The following WNT2B variants were observed in gnomAD, a reference collection of about 807,000 sequenced individuals.
WNT2B encodes Wnt family member 2B.
A neutral mutation model predicts 40.5 loss-of-function variants in WNT2B; 19 were observed. The ratio of observed to expected loss-of-function variants is 0.47; its 90% CI spans 0.33 to 0.69. The LOEUF (loss-of-function observed/expected upper bound fraction) is 0.69. Ranked by LOEUF, WNT2B falls within the 30% of genes least tolerant of loss-of-function variation. The pLI, the probability that WNT2B is intolerant of heterozygous loss-of-function variation, is 0.02. For synonymous variants in WNT2B, 220 were observed against 211.9 expected, an observed-to-expected ratio of 1.04 and a Z score of -0.33; for missense variants, 467 against 556.4, an observed-to-expected ratio of 0.84 and a Z score of 1.62.
At chr1:112,485,833 T>C (rs1042350704) in intron 1 of WNT2B, among the ~76,000 whole-genome samples, 3 of 152,222 alleles carry the variant, frequency 2.0e-5, no homozygotes, top group Non-Finnish European at 4.4e-5. Context: ...AAGATTTCTC[T>C]TAATATACCA....
chr1:112,504,245 C>A (rs1337785881), upstream of WNT2B, among the ~76,000 whole-genome samples: 1 of 152,056 alleles, frequency 6.6e-6, no homozygotes, highest in Non-Finnish European at 1.5e-5. Flanking sequence ...CTCCAGACAC[C>A]CCCATTCCCT....
At chr1:112,507,128 C>T (rs1443143998), upstream of WNT2B, among the ~76,000 whole-genome samples, 5 of 152,170 alleles carry the variant, frequency 3.3e-5, no homozygotes, top group Non-Finnish European at 5.9e-5. Context: ...TTCCTTGCCT[C>T]CTTCAAATCT....
chr1:112,509,014 C>T lies in WNT2B; in HGVS notation c.-249C>T, dbSNP rs906040247. The T allele has an allele frequency of 2.8e-5, 37 of 1,344,020 alleles. No individual in the cohort carries two copies. The African/African-American group carries it at 3.1e-4, about 11-fold the overall frequency. The allele number at this position is 1,344,020 out of a possible 1,614,324, so 83.3% of individuals were successfully genotyped here. A position where few individuals can be genotyped will look rare whatever the true frequency, so the allele number is the denominator to read the frequency against. On this transcript the variant is annotated 5_prime_UTR_variant, in exon 1 of 5. Coordinates refer to ENST00000369684, the MANE Select transcript of WNT2B (RefSeq NM_024494.3). This position sits in a 1 kb window ranked among gnomAD's most constrained non-coding sequence, Gnocchi z 4.2. The stretch of plus-strand genomic sequence containing the variant: ...CAGCGCCGCAGACCCCCTGACACCG[C>T]ACCCGGTCCTCAGGCAGCGCGCCCC...
chr1:112,472,749 A>G (rs2101048824), intron 1 of WNT2B, among the ~76,000 whole-genome samples: 1 of 152,236 alleles, frequency 6.6e-6, no homozygotes, highest in African/African-American at 2.4e-5. Context: ...AGAAAACTCA[A>G]TCCTTGAAAA....
At position 112,517,191 on chromosome 1, in the gene WNT2B, G is replaced by A; in HGVS notation, c.752G>A (p.Cys251Tyr). The change falls in exon 4 of 5, where the codon TGC becomes TAC. Residue 251 changes from cysteine (C) to tyrosine (Y), a missense_variant. Transcript: ENST00000369684. ...AGTGGTTCCTGTACTCTGCGCACCTGCTGGCGTGCACTCTCAGATTTCCGC... is the reference window on the plus strand; with the variant it reads ...AGTGGTTCCTGTACTCTGCGCACCTACTGGCGTGCACTCTCAGATTTCCGC... Reference protein sequence around the residue: ...GVSGSCTLRTCWRALSDFRRT... With the variant: ...GVSGSCTLRTYWRALSDFRRT... 1.2e-6 allele frequency: 2 copies of A among 1,614,216 alleles called. No individual in the cohort carries two copies. Among genetic ancestry groups the A allele is most frequent in the Non-Finnish European group, 1.7e-6 (2 of 1,180,052 alleles).
intron 1 of WNT2B, among the ~76,000 whole-genome samples, chr1:112,482,496 C>T (rs761128911): frequency 1.6e-4 from 25 of 152,110 alleles, no homozygotes; most frequent in Non-Finnish European, 2.6e-4. Context: ...CCACCAGCCC[C>T]ACTAATTTTA....
Position 112,526,238 on chromosome 1 carries a change from C to CAAAAGAGCCATTGGT in WNT2B, c.*5729_*5730insAAAAGAGCCATTGGT. On this transcript the variant is annotated 3_prime_UTR_variant, in exon 5 of 5. Coordinates refer to ENST00000369684, the MANE Select transcript of WNT2B (RefSeq NM_024494.3). The stretch of plus-strand genomic sequence containing the variant: ...CCTCCTGAACCTTATCAACCAATGG[C>CAAAAGAGCCATTGGT]TCTTTTGCCATTTCTGCCACTATTA... 1.5e-6 allele frequency: 2 copies of CAAAAGAGCCATTGGT among 1,319,078 alleles called. No homozygotes were observed. The highest frequency in any genetic ancestry group is 1.0e-6 in the Non-Finnish European group (1 of 964,780). The allele number at this position is 1,319,078 out of a possible 1,614,324, so 81.7% of individuals were successfully genotyped here.
intron 1 of WNT2B, among the ~76,000 whole-genome samples, chr1:112,479,852 A>T (rs1651169156): frequency 6.6e-6 from 1 of 151,802 alleles, no homozygotes; most frequent in African/African-American, 2.4e-5. Context: ...CTGGGACTAC[A>T]GGCACCTGCT....
In WNT2B at chr1:112,516,279, G is replaced by A. The variant is rs1335630707; in HGVS notation, c.543G>A (p.Gly181=). 1.9e-6 allele frequency: 3 copies of A among 1,614,006 alleles called. No homozygotes were observed. The East Asian group carries it at 6.7e-5, about 36-fold the overall frequency. Residue 181 remains glycine (G), a synonymous_variant, in exon 3 of 5, where the codon GGG becomes GGA. Transcript: ENST00000369684. ...YTRGRHHDQR[G]DFDWGGCSDN... ...GTGGCCGACACCATGACCAGCGTGG[G>A]GACTTTGACTGGGGTGGCTGCAGTG...
intron 1 of WNT2B, among the ~76,000 whole-genome samples, chr1:112,497,610 G>A (rs971056801): frequency 3.9e-5 from 6 of 152,102 alleles, no homozygotes; most frequent in African/African-American, 1.4e-4. Flanking sequence ...AATGTCTTTG[G>A]GTCATTCTCC....
At position 112,525,930 on chromosome 1, in the gene WNT2B, T is replaced by C. The variant is rs1653299630; in HGVS notation, c.*5421T>C. Reference sequence around the variant, plus strand: ...ATATGTAATCCTCACAACAACCCTGTGAGGTAGGGGTTACTGTCACTTTAC... The same window carrying C: ...ATATGTAATCCTCACAACAACCCTGCGAGGTAGGGGTTACTGTCACTTTAC... On this transcript the variant is annotated 3_prime_UTR_variant, in exon 5 of 5. Coordinates refer to ENST00000369684, the MANE Select transcript of WNT2B (RefSeq NM_024494.3). The C allele has an allele frequency of 1.3e-6, 2 of 1,577,204 alleles. No individual in the cohort carries two copies. Among genetic ancestry groups the C allele is most frequent in the Non-Finnish European group, 1.7e-6 (2 of 1,156,234 alleles).
chr1:112,477,674 G>A (rs1401872600), intron 1 of WNT2B, among the ~76,000 whole-genome samples: 1 of 152,100 alleles, frequency 6.6e-6, no homozygotes, highest in Admixed American at 6.6e-5. Context: ...GTTCAAGAAA[G>A]AGATAGAAAT....
chr1:112,501,228 T>A (rs1462249802), intron 1 of WNT2B, among the ~76,000 whole-genome samples: 2 of 152,296 alleles, frequency 1.3e-5, no homozygotes, highest in South Asian at 4.1e-4. Context: ...AGAGGGAAAG[T>A]GTTGTTTTAT....
In WNT2B at chr1:112,515,048, C is replaced by T; in HGVS notation, c.357C>T (p.Thr119=). 1.2e-6 allele frequency: 2 copies of T among 1,614,202 alleles called. No homozygotes were observed. The highest frequency in any genetic ancestry group is 1.7e-6 in the Non-Finnish European group (2 of 1,180,038). The change falls in exon 2 of 5, where the codon ACC becomes ACT. Residue 119 remains threonine (T), a synonymous_variant. Transcript: ENST00000369684. This position sits in a 1 kb window ranked among gnomAD's most constrained non-coding sequence, Gnocchi z 4.4. ...HQFRHHRWNC[T]TLDRDHTVFG... is the part of the protein sequence containing the mutation. ...TCCGCCACCACCGCTGGAACTGTAC[C>T]ACCCTGGACCGGGACCACACCGTCT...
At chr1:112,480,228 G>A (rs983661329) in intron 1 of WNT2B, among the ~76,000 whole-genome samples, 2 of 151,874 alleles carry the variant, frequency 1.3e-5, no homozygotes, top group South Asian at 2.1e-4. Flanking sequence ...TTAGCCAGGC[G>A]TGGTGGCAGG....
upstream of WNT2B, among the ~76,000 whole-genome samples, chr1:112,505,493 C>T (rs990100364): frequency 1.3e-5 from 2 of 152,168 alleles, no homozygotes; most frequent in Non-Finnish European, 2.9e-5. Context: ...GTGACTCCTC[C>T]CTCTGGCTCC....
intron 1 of WNT2B, among the ~76,000 whole-genome samples, chr1:112,510,610 G>C (rs1174650334): frequency 6.6e-6 from 1 of 152,098 alleles, no homozygotes; most frequent in African/African-American, 2.4e-5. Flanking sequence ...CGCCAGCTTG[G>C]GCTGCAGATT....
intron 1 of WNT2B, among the ~76,000 whole-genome samples, chr1:112,487,978 G>A (rs935000885): frequency 1.4e-5 from 2 of 139,464 alleles, no homozygotes; most frequent in Non-Finnish European, 3.1e-5. Flanking sequence ...GTTGGTAGAC[G>A]ACTCATATAA....
intron 1 of WNT2B, among the ~76,000 whole-genome samples, chr1:112,475,426 C>G (rs1408276335): frequency 6.6e-6 from 1 of 151,866 alleles, no homozygotes; most frequent in Admixed American, 6.6e-5. Flanking sequence ...AAAGACTTAC[C>G]CATTTTAAAG....
Sources: gnomAD v4.1 joint callset for allele counts (sites outside exome capture counted in the v4.1 genomes callset) on GRCh38, gnomAD v4.1.1 for gene constraint, Gnocchi (gnomAD v3.1) non-coding constraint, MANE v1.5 for transcripts, NCBI Gene and HGNC (gene_info 2026-07-23, HGNC 2026-07-21) for gene names.